CNTN4: variants seen among roughly 807,000 people sequenced by gnomAD.
The protein encoded by CNTN4 is contactin 4, also known as contactin-4.
Under a neutral mutation model 122.5 loss-of-function variants are expected in CNTN4, and 77 were observed. The ratio of observed to expected loss-of-function variants is 0.63; its 90% CI spans 0.52 to 0.76. The LOEUF is 0.76. Among genes scored for constraint, CNTN4 ranks in the 30% least tolerant of loss-of-function variants. The pLI is 0.00. For missense variants in CNTN4, 1,256 were observed against 1,259.1 expected (o/e 1.00, Z 0.04); for synonymous variants, 512 against 447.0 (o/e 1.15, Z -1.83).
intron 3 of CNTN4, among the ~76,000 whole-genome samples, chr3:2,519,474 G>T (rs184301408): frequency 6.6e-6 from 1 of 152,270 alleles, no homozygotes; most frequent in Non-Finnish European, 1.5e-5. Flanking sequence ...AATTTCCAGA[G>T]CCCCATATGG....
At chr3:2,965,601 T>A (rs545072545) in intron 13 of CNTN4, among the ~76,000 whole-genome samples, 1 of 152,362 alleles carries the variant, frequency 6.6e-6, no homozygotes, top group African/African-American at 2.4e-5. Flanking sequence ...TGGCTTCTTC[T>A]TATATCTAAA....
chr3:2,704,277 A>T (rs935970242), intron 4 of CNTN4, among the ~76,000 whole-genome samples: 1 of 127,554 alleles, frequency 7.8e-6, no homozygotes, highest in Admixed American at 9.3e-5. Context: ...AGCCTGGGTG[A>T]CAGAGCGAGA....
chr3:2,988,276 C>A, intron 13 of CNTN4, 69 bp from the exon 14 acceptor site: 2 of 1,423,066 alleles, frequency 1.4e-6, no homozygotes, highest in Non-Finnish European at 2.0e-6. Flanking sequence ...GACAGAATGA[C>A]AGAACTAATT....
chr3:2,440,978 T>G (rs1025944754), intron 3 of CNTN4, among the ~76,000 whole-genome samples: 31 of 150,400 alleles, frequency 2.1e-4, no homozygotes, highest in African/African-American at 6.8e-4. Flanking sequence ...TCTATATACA[T>G]ATGTGTGTAT....
At chr3:2,724,365 A>T (rs748470725) in intron 4 of CNTN4, among the ~76,000 whole-genome samples, 3 of 152,176 alleles carry the variant, frequency 2.0e-5, no homozygotes, top group Non-Finnish European at 4.4e-5. Flanking sequence ...CTCATTCCCA[A>T]CTTCACTGTA....
At position 2,132,441 on chromosome 3, in the gene CNTN4, A is replaced by AG. The variant is rs1453981896; in HGVS notation, c.-145+31802_-145+31803insG. ...TGTTATCCAATAGCAGATATCCAGA[A>AG]ACAGGTTTGCTGTGAAGAAGAGAGA... On this transcript the variant is annotated intron_variant, in intron 2 of 24. Transcript: ENST00000418658. 3 of 152,298 alleles carry AG rather than the reference A, an allele frequency of 2.0e-5. No homozygotes were observed. In the East Asian group the frequency reaches 5.8e-4, roughly 29 times the overall value. The allele number at this position is 152,298 out of a possible 1,614,324, so 9.4% of individuals were successfully genotyped here. A position where few individuals can be genotyped will look rare whatever the true frequency, so the allele number is the denominator to read the frequency against.
At chr3:2,724,906 G>A (rs983086615) in intron 4 of CNTN4, among the ~76,000 whole-genome samples, 1 of 151,934 alleles carries the variant, frequency 6.6e-6, no homozygotes, top group African/African-American at 2.4e-5. Context: ...TTGGCTCTTG[G>A]GAGCGTTGGA....
intron 23 of CNTN4, among the ~76,000 whole-genome samples, chr3:3,045,418 C>A (rs887982747): frequency 6.6e-6 from 1 of 152,216 alleles, no homozygotes; most frequent in South Asian, 2.1e-4. Flanking sequence ...CCAGGTACCC[C>A]TCTGAGACAA....
chr3:2,099,103 T>A (rs949046066), intron 1 of CNTN4, 125 bp downstream of exon 1: 1 of 152,126 alleles, frequency 6.6e-6, no homozygotes, highest in Admixed American at 6.5e-5. Flanking sequence ...ACAGGGGCGC[T>A]TCCCGGGGCT....
At chr3:2,833,488 G>T (rs1316427128) in intron 7 of CNTN4, among the ~76,000 whole-genome samples, 1 of 152,102 alleles carries the variant, frequency 6.6e-6, no homozygotes, top group Non-Finnish European at 1.5e-5. Flanking sequence ...TCATCAGTGT[G>T]TATGTATTGT....
chr3:2,658,045 G>A (rs1362550666), intron 4 of CNTN4, among the ~76,000 whole-genome samples: 1 of 147,162 alleles, frequency 6.8e-6, no homozygotes, highest in Non-Finnish European at 1.5e-5. Context: ...TGACATACTA[G>A]ATACTGTGCG....
rs116493690 is a variant in CNTN4, at chr3:2,424,137, A to G, written c.-89+84904A>G. 3.8e-3 allele frequency among the ~76,000 whole-genome samples: 562 copies of G among 149,784 alleles called. 4 individuals are homozygous for G. The highest frequency in any genetic ancestry group is 0.013 in the African/African-American group (549 of 40,728). The stretch of plus-strand genomic sequence containing the variant: ...ACGTGCAGGGTTGTTACATACGTAT[A>G]CATCTGCCATGTTGGTGTGCTACAC... On this transcript the variant is annotated intron_variant, in intron 3 of 24. Transcript: ENST00000418658.
chr3:2,400,428 C>CATATATATATATATATATACATATAT (rs2046808248), intron 3 of CNTN4, among the ~76,000 whole-genome samples: 1 of 95,824 alleles, frequency 1.0e-5, no homozygotes, highest in Non-Finnish European at 2.2e-5. Context: ...TATATATATA[C>CATATATATATATATATATACATATAT]ATATATATAT....
At chr3:2,658,702 A>G (rs545074507) in intron 4 of CNTN4, among the ~76,000 whole-genome samples, 1 of 152,128 alleles carries the variant, frequency 6.6e-6, no homozygotes, top group Non-Finnish European at 1.5e-5. Flanking sequence ...ATTAGCTCAT[A>G]ATCTGGGAAG....
chr3:2,613,474 AGGT>A (rs2081584160), intron 4 of CNTN4, among the ~76,000 whole-genome samples: 1 of 152,172 alleles, frequency 6.6e-6, no homozygotes, highest in Non-Finnish European at 1.5e-5. Flanking sequence ...AATATTGATT[AGGT>A]AGGTGCTGCA....
chr3:2,821,904 C>T (rs1199692838), intron 7 of CNTN4, among the ~76,000 whole-genome samples: 1 of 152,180 alleles, frequency 6.6e-6, no homozygotes, highest in South Asian at 2.1e-4. Flanking sequence ...ATTTGAAAAA[C>T]ACTGTTTTAT....
In CNTN4 at chr3:3,007,826, A is replaced by G. The variant is rs180690343; in HGVS notation, c.1487-18276A>G. Among the ~76,000 whole-genome samples the G allele has an allele frequency of 1.8e-3, 267 of 152,340 alleles. 1 individual carries two copies. The highest frequency in any genetic ancestry group is 3.4e-3 in the Middle Eastern group (1 of 294). On this transcript the variant is annotated intron_variant, in intron 14 of 24. Coordinates refer to ENST00000418658, the MANE Select transcript of CNTN4 (RefSeq NM_175607.3). ...TGAGGAAGTGACACTGGGCTATCAT[A>G]TAATCTTTTATCCCAATTAGAATAA... is the stretch of plus-strand genomic sequence containing the variant.
At chr3:2,430,061 G>A (rs1054870016) in intron 3 of CNTN4, among the ~76,000 whole-genome samples, 14 of 152,044 alleles carry the variant, frequency 9.2e-5, no homozygotes, top group Admixed American at 9.2e-4. Context: ...TGGTCCATGG[G>A]CTGCACCTAC....
chr3:2,206,902 T>G (rs1024420732), intron 2 of CNTN4, among the ~76,000 whole-genome samples: 2 of 152,018 alleles, frequency 1.3e-5, no homozygotes, highest in African/African-American at 4.8e-5. Context: ...TTAAAGAATT[T>G]TAAGGTTTGT....
Sources: gnomAD v4.1 joint callset for allele counts (sites outside exome capture counted in the v4.1 genomes callset) on GRCh38, gnomAD v4.1.1 for gene constraint, MANE v1.5 for transcripts, NCBI Gene and HGNC (gene_info 2026-07-23, HGNC 2026-07-21) for gene names.